The following GCNT3 variants were observed in gnomAD, a reference collection of about 807,000 sequenced individuals.
GCNT3 encodes the protein glucosaminyl (N-acetyl) transferase 3, mucin type.
For missense variants in GCNT3, 708 were observed against 530.3 expected (o/e 1.34, Z -3.29); for synonymous variants, 269 against 195.2 (o/e 1.38, Z -3.15).
chr15:59,619,404 C>CT lies in GCNT3; in HGVS notation c.1167dup (p.Ile390TyrfsTer24), dbSNP rs769042934. On this transcript the variant is annotated frameshift_variant, in exon 3 of 3. Coordinates refer to ENST00000396065, the MANE Select transcript of GCNT3 (RefSeq NM_004751.3). LOFTEE classifies it low-confidence loss of function (END_TRUNC). Reference sequence around the variant, plus strand: ...CCCTGCTCTGGAATCCACCAGCGGGCTATCTGCGTTTATGGGGCTGGGGAC... The same window carrying CT: ...CCCTGCTCTGGAATCCACCAGCGGGCTTATCTGCGTTTATGGGGCTGGGGAC... 634 of 1,614,102 alleles carry CT rather than the reference C, an allele frequency of 3.9e-4. No individual in the cohort carries two copies. Among genetic ancestry groups the CT allele is most frequent in the Non-Finnish European group, 5.2e-4 (612 of 1,180,012 alleles).
chr15:59,619,199 T>C lies in GCNT3; in HGVS notation c.961T>C (p.Trp321Arg). 1 of 1,614,012 alleles carries C rather than the reference T, an allele frequency of 6.2e-7. No homozygotes were observed. The highest frequency in any genetic ancestry group is 1.7e-5 in the Admixed American group (1 of 60,018). The change falls in exon 3 of 3, where the codon TGG becomes CGG. Residue 321 changes from tryptophan to arginine, a missense_variant. Trp to Arg is a moderately radical substitution (Grantham distance 101, BLOSUM62 -3). Transcript: ENST00000396065. ...CCCTAAATCCCAACAACTGATTGAATGGGTAAAAGACACTTATAGCCCAGA... is the reference window on the plus strand; with the variant it reads ...CCCTAAATCCCAACAACTGATTGAACGGGTAAAAGACACTTATAGCCCAGA... ...KNPKSQQLIE[W>R]VKDTYSPDEH...
chr15:59,619,250 C>T lies in GCNT3; in HGVS notation c.1012C>T (p.Arg338Cys), dbSNP rs149420777. ...PDEHLWATLQ[R>C]ARWMPGSVPN... The stretch of plus-strand genomic sequence containing the variant: ...TGAACACCTCTGGGCCACCCTTCAG[C>T]GTGCACGGTGGATGCCTGGCTCTGT... Residue 338 changes from arginine to cysteine, a missense_variant, in exon 3 of 3, where the codon CGT becomes TGT. Arg to Cys is a radical substitution (Grantham distance 180). Transcript: ENST00000396065. The T allele has an allele frequency of 1.2e-5, 20 of 1,614,114 alleles. No homozygotes were observed. The highest frequency in any genetic ancestry group is 6.7e-5 in the East Asian group (3 of 44,888).
chr15:59,612,727 C>T (rs1366410869), intron 1 of GCNT3, among the ~76,000 whole-genome samples: 1 of 152,124 alleles, frequency 6.6e-6, no homozygotes, highest in Non-Finnish European at 1.5e-5. Context: ...TTTCTGAATG[C>T]TTGCCTGATC....
intron 1 of GCNT3, among the ~76,000 whole-genome samples, chr15:59,613,472 G>T (rs551691661): frequency 6.6e-6 from 1 of 151,034 alleles, no homozygotes; most frequent in South Asian, 2.1e-4. Context: ...AGGCTGAGGC[G>T]GGGAGATTGC....
intron 1 of GCNT3, among the ~76,000 whole-genome samples, chr15:59,615,691 T>A (rs1173551163): frequency 2.0e-5 from 3 of 151,012 alleles, no homozygotes; most frequent in Non-Finnish European, 1.5e-5. Flanking sequence ...GAGATGAGCG[T>A]GGGCAACATA....
At position 59,619,662 on chromosome 15, in the gene GCNT3, C is replaced by T; in HGVS notation, c.*107C>T. 1 of 737,890 alleles carries T rather than the reference C, an allele frequency of 1.4e-6. No homozygotes were observed. The highest frequency in any genetic ancestry group is 2.4e-6 in the Non-Finnish European group (1 of 423,400). 45.7% of individuals were successfully genotyped at this position (737,890 alleles called of 1,614,324 possible). A position where few individuals can be genotyped will look rare whatever the true frequency, so the allele number is the denominator to read the frequency against. Reference sequence around the variant, plus strand: ...GAGACCAGGGCTTTGCAATTCGTGGCATCCTTTAGGATAAGAGGGCTGCTA... The same window carrying T: ...GAGACCAGGGCTTTGCAATTCGTGGTATCCTTTAGGATAAGAGGGCTGCTA... On this transcript the variant is annotated 3_prime_UTR_variant, in exon 3 of 3. Transcript: ENST00000396065.
At position 59,620,728 on chromosome 15, in the gene GCNT3, T is replaced by C. The variant is rs2082743880; in HGVS notation, c.*1173T>C. ...CCAATCAGGTAAGGTAATGTGTAAT[T>C]CATTATTCAAAGTGGAACATGTTTT... is the stretch of plus-strand genomic sequence containing the variant. On this transcript the variant is annotated 3_prime_UTR_variant, in exon 3 of 3. Coordinates refer to ENST00000396065, the MANE Select transcript of GCNT3 (RefSeq NM_004751.3). The C allele has an allele frequency of 6.0e-6, 1 of 167,034 alleles. No homozygotes were observed. The highest frequency in any genetic ancestry group is 1.5e-5 in the Non-Finnish European group (1 of 68,118). The allele number at this position is 167,034 out of a possible 1,614,324, so 10.3% of individuals were successfully genotyped here.
Position 59,618,211 on chromosome 15 carries a change from G to C in GCNT3, c.-28G>C. 1 of 1,304,620 alleles carries C rather than the reference G, an allele frequency of 7.7e-7. No homozygotes were observed. The highest frequency in any genetic ancestry group is 2.3e-5 in the East Asian group (1 of 43,168). 80.8% of individuals were successfully genotyped at this position (1,304,620 alleles called of 1,614,324 possible). ...TCCTCCTCCACCTTCCCTGTGCTCG[G>C]TCTCCACCTGTCTCCCATTCTGTGA... On this transcript the variant is annotated 5_prime_UTR_variant, in exon 3 of 3. Transcript: ENST00000396065.
At chr15:59,618,087 G>A (rs1234577001) in intron 2 of GCNT3, 92 bp from the exon 3 acceptor site, 2 of 556,404 alleles carry the variant, frequency 3.6e-6, no homozygotes, top group African/African-American at 1.9e-5. Context: ...TTTTGTCCAG[G>A]TAAGAAATAT....
At position 59,622,406 on chromosome 15, in the gene GCNT3, C is replaced by G. The variant is rs1479392347; in HGVS notation, c.*2851C>G. 6.6e-6 allele frequency: 1 copy of G among 152,082 alleles called. No homozygotes were observed. The highest frequency in any genetic ancestry group is 1.9e-4 in the East Asian group (1 of 5,188). 9.4% of individuals were successfully genotyped at this position (152,082 alleles called of 1,614,324 possible). ...CAACTTGCCTGCATTGTAATAGAGT[C>G]CTATTCACTTTGCTCCCAACCCCAC... On this transcript the variant is annotated 3_prime_UTR_variant, in exon 3 of 3. Coordinates refer to ENST00000396065, the MANE Select transcript of GCNT3 (RefSeq NM_004751.3).
chr15:59,618,777 T>C lies in GCNT3; in HGVS notation c.539T>C (p.Ile180Thr), dbSNP rs1387196335. Residue 180 changes from isoleucine to threonine, a missense_variant, in exon 3 of 3, where the codon ATT becomes ACT. Coordinates refer to ENST00000396065, the MANE Select transcript of GCNT3 (RefSeq NM_004751.3). ...TTCAAAGAGGCGGTCAAAGCAATTA[T>C]TTCTTGCTTCCCAAATGTCTTCATA... ...ETFKEAVKAI[I>T]SCFPNVFIAS... is the part of the protein sequence containing the mutation. The C allele has an allele frequency of 1.9e-6, 3 of 1,614,218 alleles. No individual in the cohort carries two copies. Among genetic ancestry groups the C allele is most frequent in the Admixed American group, 1.7e-5 (1 of 60,028 alleles).
chr15:59,615,754 G>A (rs1288161521), intron 1 of GCNT3, among the ~76,000 whole-genome samples: 2 of 151,974 alleles, frequency 1.3e-5, no homozygotes, highest in East Asian at 3.8e-4. Context: ...TCCGCATGGT[G>A]GTGTGTGCCT....
At chr15:59,613,738 C>CA (rs1487302878) in intron 1 of GCNT3, among the ~76,000 whole-genome samples, 35 of 152,032 alleles carry the variant, frequency 2.3e-4, no homozygotes, top group Admixed American at 7.9e-4. Context: ...ATGACAACAA[C>CA]AAAAATATTC....
chr15:59,619,717 T>G lies in GCNT3; in HGVS notation c.*162T>G. Reference sequence around the variant, plus strand: ...AGTGTGGGTAAGTAGATCTTTTGCCTTGCAAATTGCTGCCTGGGTGAATGC... The same window carrying G: ...AGTGTGGGTAAGTAGATCTTTTGCCGTGCAAATTGCTGCCTGGGTGAATGC... On this transcript the variant is annotated 3_prime_UTR_variant, in exon 3 of 3. Transcript: ENST00000396065. 1 of 627,796 alleles carries G rather than the reference T, an allele frequency of 1.6e-6. No homozygotes were observed. The highest frequency in any genetic ancestry group is 2.9e-6 in the Non-Finnish European group (1 of 342,454). The allele number at this position is 627,796 out of a possible 1,614,324, so 38.9% of individuals were successfully genotyped here.
chr15:59,612,998 T>C (rs1412432051), intron 1 of GCNT3, among the ~76,000 whole-genome samples: 10 of 151,966 alleles, frequency 6.6e-5, no homozygotes, highest in African/African-American at 2.4e-4. Flanking sequence ...CCACCTTGAG[T>C]TATTTTGTCA....
rs1181408267 is a variant in GCNT3, at chr15:59,618,370, C to T, written c.132C>T (p.Ser44=). The T allele has an allele frequency of 1.2e-6, 2 of 1,613,842 alleles. No homozygotes were observed. The highest frequency in any genetic ancestry group is 1.1e-5 in the South Asian group (1 of 91,068). The change falls in exon 3 of 3, where the codon TCC becomes TCT. Residue 44 remains serine, a synonymous_variant. Coordinates refer to ENST00000396065, the MANE Select transcript of GCNT3 (RefSeq NM_004751.3). The part of the protein sequence containing the change: ...KCDSDHLGLE[S]RESQSQYCRN... ...ACTCTGACCACTTGGGTCTGGAGTC[C>T]AGGGAATCTCAAAGCCAGTACTGTA...
chr15:59,615,149 A>AG (rs2082713499), intron 1 of GCNT3: 1 of 152,184 alleles, frequency 6.6e-6, no homozygotes, highest in Admixed American at 6.5e-5. Flanking sequence ...AGGGCACTGG[A>AG]GGGAGACAGC....
intron 1 of GCNT3, among the ~76,000 whole-genome samples, chr15:59,613,343 C>T (rs1056502404): frequency 1.6e-4 from 25 of 151,840 alleles, no homozygotes; most frequent in African/African-American, 2.2e-4. Flanking sequence ...AATAGAGCCA[C>T]GATTTCTTAA....
At position 59,618,961 on chromosome 15, in the gene GCNT3, G is replaced by A. The variant is rs968838731; in HGVS notation, c.723G>A (p.Gln241=). 6.2e-7 allele frequency: 1 copy of A among 1,613,942 alleles called. No homozygotes were observed. The highest frequency in any genetic ancestry group is 8.5e-7 in the Non-Finnish European group (1 of 1,179,982). The change falls in exon 3 of 3, where the codon CAG becomes CAA. Residue 241 remains glutamine, a synonymous_variant. Transcript: ENST00000396065. ...FPIKSNAEMV[Q]ALKMLNGRNS... Reference sequence around the variant, plus strand: ...TAAAGAGCAATGCAGAGATGGTCCAGGCTCTCAAGATGTTGAATGGGAGGA... The same window carrying A: ...TAAAGAGCAATGCAGAGATGGTCCAAGCTCTCAAGATGTTGAATGGGAGGA...
Sources: allele counts gnomAD v4.1 joint callset (sites outside exome capture counted in the v4.1 genomes callset), GRCh38; gene constraint gnomAD v4.1.1; transcripts MANE v1.5; gene names NCBI Gene and HGNC (gene_info 2026-07-23, HGNC 2026-07-21).